Variants in RORA observed in about 807,000 individuals in gnomAD.
RORA encodes the protein RAR related orphan receptor A.
A neutral mutation model predicts 69.5 loss-of-function variants in RORA; 7 were observed. That is an observed-to-expected ratio of 0.10 (90% CI 0.06 to 0.19). The LOEUF (loss-of-function observed/expected upper bound fraction) is 0.19. RORA is among the 10% of genes least tolerant of loss of function. The probability of loss-of-function intolerance (pLI) is 1.00; values close to 1 mark genes in which losing one functional copy is unlikely to be tolerated. For synonymous variants in RORA, 261 were observed against 240.8 expected (o/e 1.08, Z -0.78); for missense variants, 457 against 663.0 (o/e 0.69, Z 3.41).
chr15:60,899,993 AGTT>A (rs1312284071), intron 1 of RORA, among the ~76,000 whole-genome samples: 1 of 152,242 alleles, frequency 6.6e-6, no homozygotes, highest in Non-Finnish European at 1.5e-5. Context: ...GAATTATTTT[AGTT>A]GTTCCTAAAA....
At chr15:60,781,438 A>G (rs757147924) in intron 1 of RORA, among the ~76,000 whole-genome samples, 39 of 152,176 alleles carry the variant, frequency 2.6e-4, no homozygotes, top group Non-Finnish European at 5.0e-4. Context: ...CCGGGGCAGG[A>G]CTCTGCCTGG....
chr15:60,588,750 T>C (rs2068411310), intron 2 of RORA, among the ~76,000 whole-genome samples: 1 of 152,168 alleles, frequency 6.6e-6, no homozygotes, highest in Non-Finnish European at 1.5e-5. Context: ...TAAATGACTA[T>C]TTCTGTTTAG....
chr15:60,517,299 C>A (rs1226062478), intron 3 of RORA, among the ~76,000 whole-genome samples: 1 of 151,942 alleles, frequency 6.6e-6, no homozygotes. Context: ...TGACTTCTCA[C>A]TCCTCTTGCT....
At chr15:60,948,149 C>T (rs538121563) in intron 1 of RORA, among the ~76,000 whole-genome samples, 1 of 151,718 alleles carries the variant, frequency 6.6e-6, no homozygotes, top group South Asian at 2.1e-4. Flanking sequence ...GCTTAAAAGA[C>T]ATTTGGGAAA....
chr15:60,883,882 T>C (rs954629214), intron 1 of RORA, among the ~76,000 whole-genome samples: 4 of 152,288 alleles, frequency 2.6e-5, no homozygotes, highest in Admixed American at 2.0e-4. Flanking sequence ...GTGGCTACCA[T>C]GGATTCCAAG....
chr15:60,550,058 C>T (rs914194984), intron 2 of RORA, among the ~76,000 whole-genome samples: 2 of 152,172 alleles, frequency 1.3e-5, no homozygotes, highest in African/African-American at 4.8e-5. Flanking sequence ...TTTGAAAGAC[C>T]GTGGTAGGTG....
In RORA at chr15:60,979,730, A is replaced by G. The variant is rs199535626; in HGVS notation, c.166+249323T>C. On this transcript the variant is annotated intron_variant, in intron 1 of 10. Transcript: ENST00000335670. ...TAACTCTAATAATGTGTGTGTATGT[A>G]TGTGTGTGTGTGTGTGTGCACGTGT... 3.3e-5 allele frequency among the ~76,000 whole-genome samples: 5 copies of G among 149,642 alleles called. No individual in the cohort carries two copies. The East Asian group carries it at 5.9e-4, about 18-fold the overall frequency.
intron 1 of RORA, among the ~76,000 whole-genome samples, chr15:60,790,030 C>T (rs901308908): frequency 6.6e-6 from 1 of 152,194 alleles, no homozygotes; most frequent in African/African-American, 2.4e-5. Context: ...CAAGACTCAC[C>T]TTCCTCCATC....
At chr15:61,160,540 A>T (rs1015326118) in intron 1 of RORA, among the ~76,000 whole-genome samples, 2 of 152,232 alleles carry the variant, frequency 1.3e-5, no homozygotes, top group Non-Finnish European at 2.9e-5. Flanking sequence ...AATGTTAAGC[A>T]TGAAACAACG....
intron 2 of RORA, among the ~76,000 whole-genome samples, chr15:60,579,504 G>C (rs1962280389): frequency 6.6e-6 from 1 of 152,000 alleles, no homozygotes; most frequent in African/African-American, 2.4e-5. Flanking sequence ...CATAAACTGT[G>C]TGTATAGAAC....
intron 1 of RORA, among the ~76,000 whole-genome samples, chr15:60,752,026 A>C (rs2071730138): frequency 6.6e-6 from 1 of 152,118 alleles, no homozygotes; most frequent in African/African-American, 2.4e-5. Context: ...ACTTGAGAGA[A>C]GGGCCATCAA....
chr15:61,201,669 C>T (rs568469292), intron 1 of RORA, among the ~76,000 whole-genome samples: 1 of 152,314 alleles, frequency 6.6e-6, no homozygotes, highest in South Asian at 2.1e-4. Context: ...TTTCACACCA[C>T]TTGGTTATCA....
intron 2 of RORA, among the ~76,000 whole-genome samples, chr15:60,601,934 T>C (rs1240314639): frequency 6.6e-6 from 1 of 152,104 alleles, no homozygotes; most frequent in African/African-American, 2.4e-5. Context: ...ATAATAAAAG[T>C]GAGAAAGAGT....
chr15:60,763,664 CA>C (rs1237769013), intron 1 of RORA, among the ~76,000 whole-genome samples: 2 of 152,112 alleles, frequency 1.3e-5, no homozygotes, highest in South Asian at 2.1e-4. Flanking sequence ...GAAAATATGC[CA>C]GGGGGGTAGC....
chr15:60,506,371 A>G (rs566717861), intron 5 of RORA, among the ~76,000 whole-genome samples: 19 of 152,358 alleles, frequency 1.2e-4, no homozygotes, highest in Middle Eastern at 3.4e-3. Context: ...AATATTAGTT[A>G]TTATTATACT....
At position 60,515,957 on chromosome 15, in the gene RORA, T is replaced by TA. The variant is rs1555424777; in HGVS notation, c.283-1201_283-1200insT. ...TATATATTTATATATATTTATATAT[T>TA]TATATTTATATATATTTATATATTT... On this transcript the variant is annotated intron_variant, in intron 3 of 10. Transcript: ENST00000335670. Among the ~76,000 whole-genome samples the TA allele has an allele frequency of 1.1e-4, 2 of 17,588 alleles. 1 individual carries two copies. The highest frequency in any genetic ancestry group is 5.0e-4 in the African/African-American group (2 of 4,014). The allele number at this position is 17,588 out of a possible 152,430, so 11.5% of individuals were successfully genotyped here. A position where few individuals can be genotyped will look rare whatever the true frequency, so the allele number is the denominator to read the frequency against.
chr15:60,943,276 T>C (rs1290089668), intron 1 of RORA, among the ~76,000 whole-genome samples: 1 of 152,036 alleles, frequency 6.6e-6, no homozygotes, highest in African/African-American at 2.4e-5. Context: ...CTGTCAGGTT[T>C]GGGGTTTAAC....
chr15:60,531,962 A>T lies in RORA; in HGVS notation c.197-111T>A. 1 of 607,390 alleles carries T rather than the reference A, an allele frequency of 1.6e-6. No individual in the cohort carries two copies. The highest frequency in any genetic ancestry group is 2.9e-6 in the Non-Finnish European group (1 of 350,860). 37.6% of individuals were successfully genotyped at this position (607,390 alleles called of 1,614,324 possible). A position where few individuals can be genotyped will look rare whatever the true frequency, so the allele number is the denominator to read the frequency against. On this transcript the variant is annotated intron_variant, in intron 2 of 10. Transcript: ENST00000335670. This position sits in a 1 kb window ranked among gnomAD's most constrained non-coding sequence, Gnocchi z 4.8. ...AAACTAATAACCTGCTAAACATTAT[A>T]CTGCATTAACTATTCATTGCTGAAC... is the stretch of plus-strand genomic sequence containing the variant.
At position 60,534,705 on chromosome 15, in the gene RORA, T is replaced by C. The variant is rs1454059135; in HGVS notation, c.197-2854A>G. 6.6e-6 allele frequency among the ~76,000 whole-genome samples: 1 copy of C among 152,120 alleles called. No homozygotes were observed. Among genetic ancestry groups the C allele is most frequent in the East Asian group, 1.9e-4 (1 of 5,180 alleles). On this transcript the variant is annotated intron_variant, in intron 2 of 10. Coordinates refer to ENST00000335670, the MANE Select transcript of RORA (RefSeq NM_134261.3). The surrounding 1 kb of genome is among the most constrained non-coding windows in gnomAD (Gnocchi z 5.0). ...CTCTTATCTCAGATGACAATTTCAG[T>C]TGCAAATGCACTTTAGGAAATGACT...
Sources: gnomAD v4.1 joint callset for allele counts (sites outside exome capture counted in the v4.1 genomes callset) on GRCh38, gnomAD v4.1.1 for gene constraint, Gnocchi (gnomAD v3.1) non-coding constraint, MANE v1.5 for transcripts, NCBI Gene and HGNC (gene_info 2026-07-23, HGNC 2026-07-21) for gene names.